The following LRRC36 variants were observed in gnomAD, a reference collection of about 807,000 sequenced individuals.
LRRC36 encodes leucine rich repeat containing 36, also known as leucine-rich repeat-containing protein 36.
In LRRC36, 62 loss-of-function variants were observed where a neutral mutation model predicts 81.1. That is an observed-to-expected ratio of 0.76 (90% CI 0.62 to 0.94). The LOEUF (loss-of-function observed/expected upper bound fraction) is 0.94, where lower values mean the gene tolerates loss of function less well. Ranked by LOEUF, LRRC36 falls within the 40% of genes least tolerant of loss-of-function variation. LRRC36 has a pLI of 0.00. For missense variants in LRRC36, 761 were observed against 881.7 expected (o/e 0.86, Z 1.73); for synonymous variants, 334 against 348.6 (o/e 0.96, Z 0.47).
chr16:67,327,797 T>C (rs2037267728), intron 1 of LRRC36, among the ~76,000 whole-genome samples: 1 of 152,010 alleles, frequency 6.6e-6, no homozygotes, highest in Non-Finnish European at 1.5e-5. Context: ...TGAGAAGGGG[T>C]AGTGTATCGA....
rs774054360 is a variant in LRRC36, at chr16:67,370,959, C to G, written c.1211C>G (p.Thr404Ser). The G allele has an allele frequency of 6.2e-7, 1 of 1,612,988 alleles. No individual in the cohort carries two copies. Among genetic ancestry groups the G allele is most frequent in the African/African-American group, 1.3e-5 (1 of 74,868 alleles). Residue 404 changes from threonine to serine, a missense_variant, in exon 9 of 14, where the codon ACC becomes AGC. Thr to Ser is a moderately conservative substitution (Grantham distance 58). Around this residue, in one of 3 missense-constraint regions of LRRC36, gnomAD observed 139 missense variants for 214.0 expected, o/e 0.65. Transcript: ENST00000329956. The stretch of plus-strand genomic sequence containing the variant: ...TCCTCCACAGATCTGTATGCCACAA[C>G]CCATTTCAACAGTGACCCTGCTGTA... The part of the protein sequence containing the change: ...LKLSSDLYAT[T>S]HFNSDPAVLV...
At chr16:67,336,353 A>G (rs1351213802) in intron 1 of LRRC36, among the ~76,000 whole-genome samples, 1 of 152,176 alleles carries the variant, frequency 6.6e-6, no homozygotes, top group East Asian at 1.9e-4. Flanking sequence ...TTGAGTAAAT[A>G]CCAAGGGATT....
At chr16:67,362,261 C>A (rs879757456) in intron 5 of LRRC36, 24 of 446,890 alleles carry the variant, frequency 5.4e-5, no homozygotes, top group Non-Finnish European at 9.8e-5. Flanking sequence ...CTCCTGGGTT[C>A]AAGCAGTTCT....
intron 10 of LRRC36, among the ~76,000 whole-genome samples, chr16:67,376,207 C>T (rs972190817): frequency 2.6e-5 from 4 of 152,094 alleles, no homozygotes; most frequent in Non-Finnish European, 5.9e-5. Context: ...ACTGGGGAGG[C>T]TGAGGCGGGA....
At chr16:67,362,137 C>T (rs1567487965) in intron 5 of LRRC36, 1 of 440,708 alleles carries the variant, frequency 2.3e-6, no homozygotes, top group East Asian at 7.7e-5. Context: ...AAATAACATA[C>T]AGAGTGTTCT....
In LRRC36 at chr16:67,376,809, G is replaced by A. The variant is rs760237457; in HGVS notation, c.1743G>A (p.Met581Ile). 2 of 1,614,074 alleles carry A rather than the reference G, an allele frequency of 1.2e-6. No individual in the cohort carries two copies. The highest frequency in any genetic ancestry group is 1.1e-5 in the South Asian group (1 of 91,072). The part of the protein sequence containing the change: ...PRCCSHPEDT[M>I]KAFCRRELEL... ...GTTGCTCACATCCTGAAGACACGATGAAAGCATTCTGCAGGAGGGAGCTTG... is the reference window on the plus strand; with the variant it reads ...GTTGCTCACATCCTGAAGACACGATAAAAGCATTCTGCAGGAGGGAGCTTG... The change falls in exon 11 of 14, where the codon ATG (methionine) becomes ATA (isoleucine). Residue 581 changes from methionine to isoleucine, a missense_variant. Physicochemically the swap from Met to Ile is conservative, Grantham distance 10. This residue lies in a region of LRRC36 where 359 missense variants were observed against 388.4 expected (regional missense o/e 0.92). Transcript: ENST00000329956.
chr16:67,330,792 G>A (rs1312844011), intron 1 of LRRC36, among the ~76,000 whole-genome samples: 1 of 152,074 alleles, frequency 6.6e-6, no homozygotes, highest in African/African-American at 2.4e-5. Context: ...TTGAGCCTGG[G>A]AAGCAGAGGT....
rs1310135345 is a variant in LRRC36, at chr16:67,371,036, G to A, written c.1288G>A (p.Ala430Thr). 2 of 1,614,130 alleles carry A rather than the reference G, an allele frequency of 1.2e-6. No homozygotes were observed. Among genetic ancestry groups the A allele is most frequent in the Non-Finnish European group, 1.7e-6 (2 of 1,180,004 alleles). ...LSTSLDDLTP[A>T]HGSVPNNAVL... ...TACCAGCCTGGATGATTTAACACCA[G>A]CACATGGTTCTGTCCCAAACAACGC... The change falls in exon 9 of 14, where the codon GCA (alanine) becomes ACA (threonine). Residue 430 changes from alanine (A) to threonine (T), a missense_variant. By Grantham distance (58) the Ala-to-Thr change is moderately conservative. Coordinates refer to ENST00000329956, the MANE Select transcript of LRRC36 (RefSeq NM_018296.6).
intron 2 of LRRC36, among the ~76,000 whole-genome samples, chr16:67,343,826 AT>A (rs1182882410): frequency 2.0e-5 from 3 of 151,036 alleles, no homozygotes; most frequent in South Asian, 4.2e-4. Context: ...ATTTTTATTT[AT>A]TTTTTTTGAG....
At chr16:67,351,959 C>A (rs2038663028) in intron 5 of LRRC36, among the ~76,000 whole-genome samples, 1 of 152,066 alleles carries the variant, frequency 6.6e-6, no homozygotes, top group African/African-American at 2.4e-5. Flanking sequence ...TGGTATACAG[C>A]CTAGTCTTTT....
intron 5 of LRRC36, among the ~76,000 whole-genome samples, chr16:67,361,335 G>A (rs2039136460): frequency 6.6e-6 from 1 of 151,950 alleles, no homozygotes; most frequent in Non-Finnish European, 1.5e-5. Context: ...CCTGGCCTTT[G>A]ATAGAATTGC....
Position 67,348,827 on chromosome 16 carries a change from G to T in LRRC36, c.488+1236G>T, listed in dbSNP as rs149797076. Among the ~76,000 whole-genome samples, 334 of 152,298 alleles carry T rather than the reference G, an allele frequency of 2.2e-3. 2 individuals are homozygous for T. Among genetic ancestry groups the T allele is most frequent in the African/African-American group, 7.7e-3 (319 of 41,552 alleles). ...GTGTCTGGAATACAGACGATGCTAA[G>T]AAATAATGTATTGAATGATGAATGA... On this transcript the variant is annotated intron_variant, in intron 4 of 13. Coordinates refer to ENST00000329956, the MANE Select transcript of LRRC36 (RefSeq NM_018296.6).
intron 1 of LRRC36, among the ~76,000 whole-genome samples, chr16:67,332,341 C>T (rs142965517): frequency 0.033 from 4,964 of 152,246 alleles, 137 homozygotes; most frequent in South Asian, 0.069. Context: ...ATCACGAGGT[C>T]AGGAGATCGA....
intron 12 of LRRC36, among the ~76,000 whole-genome samples, chr16:67,379,112 A>G (rs544866698): frequency 6.6e-6 from 1 of 152,266 alleles, no homozygotes; most frequent in African/African-American, 2.4e-5. Context: ...ACCTCTCTAT[A>G]TTTTTAACTC....
At chr16:67,341,259 C>G (rs1174700825) in intron 1 of LRRC36, among the ~76,000 whole-genome samples, 2 of 137,084 alleles carry the variant, frequency 1.5e-5, no homozygotes, top group African/African-American at 5.5e-5. Context: ...TATATATATT[C>G]TATATATACT....
intron 8 of LRRC36, among the ~76,000 whole-genome samples, chr16:67,368,783 G>A (rs895006127): frequency 4.3e-4 from 65 of 152,278 alleles, no homozygotes; most frequent in African/African-American, 1.6e-3. Flanking sequence ...GATGGCTTGG[G>A]CTAGACAGAT....
intron 13 of LRRC36, among the ~76,000 whole-genome samples, chr16:67,383,416 G>A (rs551775290): frequency 1.3e-5 from 2 of 152,320 alleles, no homozygotes; most frequent in African/African-American, 4.8e-5. Flanking sequence ...ACTTGGGTAT[G>A]CCTCCAAATT....
intron 2 of LRRC36, among the ~76,000 whole-genome samples, chr16:67,344,827 G>A (rs2038266389): frequency 6.6e-6 from 1 of 152,146 alleles, no homozygotes; most frequent in East Asian, 1.9e-4. Context: ...GGAATGTTTT[G>A]TATCTATCTT....
rs764400733 is a variant in LRRC36, at chr16:67,367,071, C to T, written c.809C>T (p.Thr270Ile). 8 of 1,614,074 alleles carry T rather than the reference C, an allele frequency of 5.0e-6. No homozygotes were observed. In the South Asian group the frequency reaches 8.8e-5, roughly 18 times the overall value. ...QSTVRSPEKMTREGYQVSFLD... is the reference protein window; with the variant it reads ...QSTVRSPEKMIREGYQVSFLD... Reference sequence around the variant, plus strand: ...ACAGTCCGATCCCCAGAGAAGATGACTAGAGAAGGGTACCAAGTATCTTTT... The same window carrying T: ...ACAGTCCGATCCCCAGAGAAGATGATTAGAGAAGGGTACCAAGTATCTTTT... Residue 270 changes from threonine to isoleucine, a missense_variant, in exon 8 of 14, where the codon ACT becomes ATT. This residue lies in a region of LRRC36 where 139 missense variants were observed against 214.0 expected (regional missense o/e 0.65). Coordinates refer to ENST00000329956, the MANE Select transcript of LRRC36 (RefSeq NM_018296.6).
Sources: gnomAD v4.1 joint callset for allele counts (sites outside exome capture counted in the v4.1 genomes callset) on GRCh38, gnomAD v4.1.1 for gene constraint, gnomAD v4.1.1 regional missense constraint, MANE v1.5 for transcripts, NCBI Gene and HGNC (gene_info 2026-07-23, HGNC 2026-07-21) for gene names.